CBFA2T3: variants seen among roughly 807,000 people sequenced by gnomAD.
The protein encoded by CBFA2T3 is transcriptional corepressor CBFA2T3.
CBFA2T3 carries 31 observed loss-of-function variants against 58.6 expected under a neutral mutation model. That is an observed-to-expected ratio of 0.53 (90% CI 0.40 to 0.71). The LOEUF is 0.71. Ranked by LOEUF, CBFA2T3 falls within the 30% of genes least tolerant of loss-of-function variation. The pLI is 0.00. For missense variants in CBFA2T3, 1,076 were observed against 963.1 expected, an observed-to-expected ratio of 1.12 and a Z score of -1.55; for synonymous variants, 531 against 421.9, an observed-to-expected ratio of 1.26 and a Z score of -3.17.
At chr16:88,974,334 G>C (rs947986845) in intron 1 of CBFA2T3, among the ~76,000 whole-genome samples, 1 of 152,134 alleles carries the variant, frequency 6.6e-6, no homozygotes, top group African/African-American at 2.4e-5. Flanking sequence ...CTGGGCCCAG[G>C]GGTCAGTGAG....
At chr16:88,923,868 G>C (rs1418189727) in intron 1 of CBFA2T3, among the ~76,000 whole-genome samples, 2 of 152,222 alleles carry the variant, frequency 1.3e-5, no homozygotes, top group Non-Finnish European at 2.9e-5. Context: ...GTGGGGCCGG[G>C]GGAGGAGCCC....
In CBFA2T3 at chr16:88,885,787, G is replaced by C; in HGVS notation, c.893+174C>G. ...CTGCAGCCCACTGGGGTGTCCGCCC[G>C]TGCAGCCACCAAGCCTGCTGGCCCT... On this transcript the variant is annotated intron_variant, in intron 6 of 11. Transcript: ENST00000268679. The surrounding 1 kb of genome is among the most constrained non-coding windows in gnomAD (Gnocchi z 5.3). The C allele has an allele frequency of 1.6e-6, 1 of 608,672 alleles. No individual in the cohort carries two copies. The highest frequency in any genetic ancestry group is 2.9e-6 in the Non-Finnish European group (1 of 346,710). The allele number at this position is 608,672 out of a possible 1,614,324, so 37.7% of individuals were successfully genotyped here. A position where few individuals can be genotyped will look rare whatever the true frequency, so the allele number is the denominator to read the frequency against.
chr16:88,975,339 A>T (rs1972827996), intron 1 of CBFA2T3, among the ~76,000 whole-genome samples: 1 of 150,036 alleles, frequency 6.7e-6, no homozygotes, highest in Admixed American at 6.7e-5. Flanking sequence ...TCCACGGTAG[A>T]CACCCCCGTC....
chr16:88,886,254 C>A (rs1314702598), intron 5 of CBFA2T3, 112 bp from the exon 6 acceptor site: 2 of 712,408 alleles, frequency 2.8e-6, no homozygotes, highest in Admixed American at 6.8e-5. Context: ...TGACCTCGGG[C>A]CTCAAAGGTC....
chr16:88,917,528 G>A (rs1199556520), intron 1 of CBFA2T3, among the ~76,000 whole-genome samples: 10 of 152,150 alleles, frequency 6.6e-5, no homozygotes, highest in Admixed American at 6.5e-4. Flanking sequence ...CACCAATGAG[G>A]CGCCAGGGGA....
chr16:88,907,981 A>G (rs114021799), intron 1 of CBFA2T3, among the ~76,000 whole-genome samples: 8,142 of 152,234 alleles, frequency 0.053, 356 homozygotes, highest in African/African-American at 0.12. Context: ...ACAGGGAGAG[A>G]GTGCCAGTTC....
At chr16:88,879,662 A>T in intron 10 of CBFA2T3, 1 of 559,216 alleles carries the variant, frequency 1.8e-6, no homozygotes, top group South Asian at 2.4e-5. Flanking sequence ...ACACACGTTG[A>T]TGGCCCTCAT....
chr16:88,899,459 C>T lies in CBFA2T3; in HGVS notation c.305-1307G>A, dbSNP rs146984195. Among the ~76,000 whole-genome samples, 530 of 152,320 alleles carry T rather than the reference C, an allele frequency of 3.5e-3. 3 individuals are homozygous for T. Among genetic ancestry groups the T allele is most frequent in the African/African-American group, 0.012 (495 of 41,566 alleles). ...CTGCTTATCTCTTTCATAACCTTCA[C>T]GCTCCTTAAACCAGCTGGGACCTCA... On this transcript the variant is annotated intron_variant, in intron 2 of 11. Transcript: ENST00000268679.
intron 3 of CBFA2T3, among the ~76,000 whole-genome samples, chr16:88,893,630 CAT>C (rs1230837196): frequency 3.3e-5 from 5 of 152,334 alleles, no homozygotes; most frequent in Middle Eastern, 3.4e-3. Context: ...AAGCAGGTGA[CAT>C]AAGGAACAGC....
chr16:88,877,331 CACACGCCTCA>C (rs1968878294), intron 11 of CBFA2T3, 56 bp from the exon 12 acceptor site: 3 of 1,423,666 alleles, frequency 2.1e-6, no homozygotes, highest in Middle Eastern at 2.4e-4. Flanking sequence ...GAATCCCCAA[CACACGCCTCA>C]ACCAAGCCAT....
At chr16:88,916,414 G>T (rs954442132) in intron 1 of CBFA2T3, among the ~76,000 whole-genome samples, 1 of 146,624 alleles carries the variant, frequency 6.8e-6, no homozygotes, top group Non-Finnish European at 1.6e-5. Flanking sequence ...ATTCATGCGT[G>T]TGCATGGCTG....
intron 5 of CBFA2T3, 61 bp from the exon 6 acceptor site, chr16:88,886,203 C>T (rs778723014): frequency 3.6e-4 from 458 of 1,275,500 alleles, no homozygotes; most frequent in Non-Finnish European, 4.3e-4. Context: ...TGCTCAGGTC[C>T]GAGCAGAGGG....
At chr16:88,970,228 C>T (rs1972615502) in intron 1 of CBFA2T3, among the ~76,000 whole-genome samples, 2 of 152,224 alleles carry the variant, frequency 1.3e-5, no homozygotes, top group Admixed American at 6.5e-5. Flanking sequence ...GCTGTGTGAT[C>T]AGCTGGGTGT....
At chr16:88,959,168 G>A (rs867326749) in intron 1 of CBFA2T3, among the ~76,000 whole-genome samples, 5 of 152,300 alleles carry the variant, frequency 3.3e-5, no homozygotes, top group Middle Eastern at 3.4e-3. Flanking sequence ...TGGCAGGCAC[G>A]CCACATGTGC....
At chr16:88,894,546 G>A (rs1458439508) in intron 3 of CBFA2T3, among the ~76,000 whole-genome samples, 1 of 128,300 alleles carries the variant, frequency 7.8e-6, no homozygotes, top group African/African-American at 3.2e-5. Context: ...TGCACACAAT[G>A]TACACACATG....
chr16:88,880,698 A>G, intron 10 of CBFA2T3, 22 bp downstream of exon 10: 1 of 1,552,072 alleles, frequency 6.4e-7, no homozygotes, highest in Non-Finnish European at 8.7e-7. Context: ...TCTGCTGGCC[A>G]GGCCCCTGCA....
At chr16:88,917,085 A>G (rs78796688) in intron 1 of CBFA2T3, among the ~76,000 whole-genome samples, 1 of 151,318 alleles carries the variant, frequency 6.6e-6, no homozygotes, top group Non-Finnish European at 1.5e-5. Flanking sequence ...AAAAAAAAAA[A>G]GGAAAAAAAG....
At position 88,928,045 on chromosome 16, in the gene CBFA2T3, AC is replaced by A. The variant is rs1387117042; in HGVS notation, c.152-26390del. On this transcript the variant is annotated intron_variant, in intron 1 of 11. Transcript: ENST00000268679. ...CACCGCTGCTGACCGAGCCCCTGGC[AC>A]CCCCAAGCCGAGCCTTTGAACCCCA... Among the ~76,000 whole-genome samples, 4 of 152,008 alleles carry A rather than the reference AC, an allele frequency of 2.6e-5. No homozygotes were observed. In the South Asian group the frequency reaches 6.2e-4, roughly 24 times the overall value.
intron 1 of CBFA2T3, among the ~76,000 whole-genome samples, chr16:88,967,665 C>T (rs533130412): frequency 2.0e-5 from 3 of 152,326 alleles, no homozygotes; most frequent in South Asian, 4.1e-4. Flanking sequence ...GGGACGGGGA[C>T]GGCGTGCTGC....
Sources: allele counts gnomAD v4.1 joint callset (sites outside exome capture counted in the v4.1 genomes callset), GRCh38; gene constraint gnomAD v4.1.1; non-coding constraint Gnocchi (gnomAD v3.1); transcripts MANE v1.5; gene names NCBI Gene and HGNC (gene_info 2026-07-23, HGNC 2026-07-21).